The following BROX variants were observed in gnomAD, a reference collection of about 807,000 sequenced individuals.
BROX encodes the protein BRO1 domain-containing protein BROX.
BROX carries 53 observed loss-of-function variants against 61.0 expected under a neutral mutation model. The ratio of observed to expected loss-of-function variants is 0.87; its 90% CI spans 0.70 to 1.09. The LOEUF (loss-of-function observed/expected upper bound fraction) is 1.09, where lower values mean the gene tolerates loss of function less well. Ranked by LOEUF, BROX falls within the 50% of genes least tolerant of loss-of-function variation. The pLI, the probability that BROX is intolerant of heterozygous loss-of-function variation, is 0.00. For synonymous variants in BROX, 152 were observed against 160.2 expected (o/e 0.95, Z 0.38); for missense variants, 489 against 472.0 (o/e 1.04, Z -0.33).
chr1:222,729,074 G>A (rs907718124), intron 9 of BROX, among the ~76,000 whole-genome samples: 46 of 152,266 alleles, frequency 3.0e-4, no homozygotes, highest in East Asian at 2.3e-3. Context: ...CCCACTTGCA[G>A]CATACTTAAT....
rs192970556 is a variant in BROX at position 222,730,615 on chromosome 1, T to C, written c.989+438T>C. Among the ~76,000 whole-genome samples, 44 of 152,324 alleles carry C rather than the reference T, an allele frequency of 2.9e-4. No homozygotes were observed. The South Asian group carries it at 6.2e-3, about 22-fold the overall frequency. On this transcript the variant is annotated intron_variant, in intron 11 of 12. Coordinates refer to ENST00000340934, the MANE Select transcript of BROX (RefSeq NM_144695.4). ...TCTCAAATATATATAGTATTTATGT[T>C]TCACGTTAATTTTCTCTTTAAATTC...
chr1:222,724,005 T>C, intron 5 of BROX, 87 bp from the exon 6 acceptor site: 1 of 906,310 alleles, frequency 1.1e-6, no homozygotes, highest in Non-Finnish European at 1.7e-6. Flanking sequence ...AAATGACTAC[T>C]TTGGATGTAT....
At chr1:222,729,408 T>G (rs146231284) in intron 9 of BROX, among the ~76,000 whole-genome samples, 36 of 152,310 alleles carry the variant, frequency 2.4e-4, no homozygotes, top group African/African-American at 7.2e-4. Context: ...AAATAACTTT[T>G]TCTCAGTACA....
At position 222,722,203 on chromosome 1, in the gene BROX, ATT is replaced by A. The variant is rs1323280559; in HGVS notation, c.306-215_306-214del. ...GGGAGCTCCTATTCCCATGCTTATT[ATT>A]AAGTACATAGTACCTTCTGGACCAT... On this transcript the variant is annotated intron_variant, in intron 4 of 12. Coordinates refer to ENST00000340934, the MANE Select transcript of BROX (RefSeq NM_144695.4). Among the ~76,000 whole-genome samples, 6 of 152,294 alleles carry A rather than the reference ATT, an allele frequency of 3.9e-5. No homozygotes were observed. In the East Asian group the frequency reaches 1.2e-3, roughly 29 times the overall value.
At chr1:222,731,643 A>G (rs796104173) in intron 12 of BROX, 127 bp downstream of exon 12, 14 of 953,394 alleles carry the variant, frequency 1.5e-5, no homozygotes, top group African/African-American at 3.4e-5. Flanking sequence ...AGCTAGTTAT[A>G]TAGTGCTTAA....
chr1:222,717,035 A>G (rs192016601), intron 2 of BROX, among the ~76,000 whole-genome samples: 197 of 152,346 alleles, frequency 1.3e-3, no homozygotes, highest in Middle Eastern at 3.4e-3. Context: ...CTTTTATGGG[A>G]AGAAGCGATG....
chr1:222,730,002 G>T, intron 10 of BROX, 25 bp from the exon 11 acceptor site: 1 of 1,581,218 alleles, frequency 6.3e-7, no homozygotes, highest in Non-Finnish European at 8.6e-7. Flanking sequence ...ATAATCAAAA[G>T]ACTTTAAATC....
intron 1 of BROX, among the ~76,000 whole-genome samples, chr1:222,714,492 G>GC (rs1372353995): frequency 1.5e-5 from 2 of 135,658 alleles, no homozygotes; most frequent in Non-Finnish European, 3.2e-5. Flanking sequence ...GCCACCGCGC[G>GC]TTTTTTTTTT....
chr1:222,724,785 T>C (rs1657376986), intron 6 of BROX, among the ~76,000 whole-genome samples: 1 of 152,044 alleles, frequency 6.6e-6, no homozygotes, highest in South Asian at 2.1e-4. Context: ...GAATTAGATG[T>C]AGAATTGTAG....
chr1:222,723,290 C>T (rs1482501649), intron 5 of BROX, among the ~76,000 whole-genome samples: 1 of 152,072 alleles, frequency 6.6e-6, no homozygotes, highest in Non-Finnish European at 1.5e-5. Context: ...AAAAATAAGG[C>T]TTTGTCTGGA....
Position 222,712,713 on chromosome 1 carries a change from G to C in BROX, c.-246G>C. On this transcript the variant is annotated 5_prime_UTR_variant, in exon 1 of 13. It removes the in-frame stop codon of an upstream open reading frame in the 5' UTR. Coordinates refer to ENST00000340934, the MANE Select transcript of BROX (RefSeq NM_144695.4). ...AAAGGGATGATGAACGAAGCGTTTT[G>C]AGGGGACTGCAACGCCGCGGCAATA... The C allele has an allele frequency of 7.7e-7, 1 of 1,291,762 alleles. No homozygotes were observed. Among genetic ancestry groups the C allele is most frequent in the Non-Finnish European group, 1.0e-6 (1 of 990,456 alleles). The allele number at this position is 1,291,762 out of a possible 1,614,324, so 80.0% of individuals were successfully genotyped here.
intron 5 of BROX, among the ~76,000 whole-genome samples, chr1:222,722,872 C>A (rs1052196856): frequency 7.2e-5 from 11 of 152,230 alleles, no homozygotes; most frequent in Admixed American, 1.3e-4. Context: ...ATAACGTATA[C>A]TCTTATAAAT....
intron 1 of BROX, chr1:222,715,011 G>A (rs773745501): frequency 1.3e-5 from 2 of 152,192 alleles, no homozygotes; most frequent in Non-Finnish European, 2.9e-5. Context: ...ATCCACTGTT[G>A]TCAGCAATAT....
intron 12 of BROX, 99 bp from the exon 13 acceptor site, chr1:222,732,529 T>C (rs942814768): frequency 2.6e-6 from 2 of 773,284 alleles, no homozygotes; most frequent in Non-Finnish European, 4.2e-6. Context: ...GTTATGTAAT[T>C]TAATATAGCA....
rs1280649062 is a variant in BROX, at chr1:222,731,346, A to G, written c.990-11A>G. 1.3e-6 allele frequency: 2 copies of G among 1,556,694 alleles called. No individual in the cohort carries two copies. The highest frequency in any genetic ancestry group is 2.4e-5 in the South Asian group (2 of 82,104). ...AAATGAATGAATTGCTATTTAAATT[A>G]TTTTTTGCAGTTACTTTCAAAAAAT... On this transcript the variant is annotated splice_polypyrimidine_tract_variant and intron_variant, in intron 11 of 12. Transcript: ENST00000340934.
intron 1 of BROX, 152 bp downstream of exon 1, chr1:222,713,094 CAGAA>C: frequency 9.8e-7 from 1 of 1,020,930 alleles, no homozygotes; most frequent in East Asian, 1.0e-4. Flanking sequence ...AAACAAACGA[CAGAA>C]AGAAAATCCA....
rs1658042538 is a variant in BROX at position 222,732,829 on chromosome 1, A to T, written c.*115A>T. ...CTTGTAGAATAACTATTATATTCAG[A>T]GGGTTATCTGCCTTCAGCTTACTTG... On this transcript the variant is annotated 3_prime_UTR_variant, in exon 13 of 13. Transcript: ENST00000340934. 6 of 801,464 alleles carry T rather than the reference A, an allele frequency of 7.5e-6. No homozygotes were observed. Among genetic ancestry groups the T allele is most frequent in the Non-Finnish European group, 9.9e-6 (5 of 506,718 alleles). 49.6% of individuals were successfully genotyped at this position (801,464 alleles called of 1,614,324 possible).
At position 222,719,360 on chromosome 1, in the gene BROX, G is replaced by A; in HGVS notation, c.305+1G>A. The A allele has an allele frequency of 6.3e-7, 1 of 1,591,498 alleles. No homozygotes were observed. Among genetic ancestry groups the A allele is most frequent in the Non-Finnish European group, 8.6e-7 (1 of 1,159,970 alleles). On this transcript the variant is annotated splice_donor_variant, in intron 4 of 12. Coordinates refer to ENST00000340934, the MANE Select transcript of BROX (RefSeq NM_144695.4). LOFTEE classifies it high-confidence loss of function. ...ATACATTGCAAGGACAGGTTCCAAG[G>A]TAAGCAACACTAAAGTAATACTAAA... is the stretch of plus-strand genomic sequence containing the variant.
chr1:222,722,637 T>G lies in BROX; in HGVS notation c.401+123T>G, dbSNP rs545059750. 4.5e-4 allele frequency: 313 copies of G among 699,856 alleles called. 1 individual carries two copies. Among genetic ancestry groups the G allele is most frequent in the Non-Finnish European group, 7.1e-4 (304 of 425,560 alleles). 43.4% of individuals were successfully genotyped at this position (699,856 alleles called of 1,614,324 possible). On this transcript the variant is annotated intron_variant, in intron 5 of 12. Coordinates refer to ENST00000340934, the MANE Select transcript of BROX (RefSeq NM_144695.4). Reference sequence around the variant, plus strand: ...ATGTTTGAAGGATTGCCTTGTAATGTTAGTATTTTGAGTGTCAGAATTATG... The same window carrying G: ...ATGTTTGAAGGATTGCCTTGTAATGGTAGTATTTTGAGTGTCAGAATTATG...
Sources: gnomAD v4.1 joint callset for allele counts (sites outside exome capture counted in the v4.1 genomes callset) on GRCh38, gnomAD v4.1.1 for gene constraint, MANE v1.5 for transcripts, NCBI Gene and HGNC (gene_info 2026-07-23, HGNC 2026-07-21) for gene names.